Variants in ENOX2 observed in about 807,000 individuals in gnomAD.
The protein encoded by ENOX2 is APK1 antigen.
ENOX2 carries 36 observed loss-of-function variants against 45.0 expected under a neutral mutation model. The ratio of observed to expected loss-of-function variants is 0.80; its 90% CI spans 0.61 to 1.06. The LOEUF (loss-of-function observed/expected upper bound fraction) is 1.06. ENOX2 is among the 50% of genes least tolerant of loss of function. The pLI is 0.00. For missense variants in ENOX2, 423 were observed against 462.5 expected (o/e 0.91, Z 0.78); for synonymous variants, 174 against 152.3 (o/e 1.14, Z -1.05).
In ENOX2 at chrX:130,632,363, G is replaced by GT. The variant is rs1569476856; in HGVS notation, c.1420-788_1420-787insA. Among the ~76,000 whole-genome samples the GT allele has an allele frequency of 1.4e-3, 33 of 23,543 alleles. 1 individual carries two copies. The highest frequency in any genetic ancestry group is 2.8e-3 in the African/African-American group (30 of 10,906). The allele number at this position is 23,543 out of a possible 115,157, so 20.4% of individuals were successfully genotyped here. A position where few individuals can be genotyped will look rare whatever the true frequency, so the allele number is the denominator to read the frequency against. On this transcript the variant is annotated intron_variant, in intron 12 of 14. Transcript: ENST00000394363. ...CTCTTTCAGAATGTAGCAGGAAGGGGCGGGGGGGGGGGGTGGTCCTAAGAG... is the reference window on the plus strand; with the variant it reads ...CTCTTTCAGAATGTAGCAGGAAGGGGTCGGGGGGGGGGGGTGGTCCTAAGAG...
At chrX:130,843,083 A>G (rs1432428439) in intron 2 of ENOX2, among the ~76,000 whole-genome samples, 1 of 111,612 alleles carries the variant, frequency 9.0e-6, no homozygotes, top group Non-Finnish European at 1.9e-5. Flanking sequence ...ATATATGCTG[A>G]TAACTTTCAA....
intron 2 of ENOX2, among the ~76,000 whole-genome samples, chrX:130,849,238 G>C (rs1444740799): frequency 8.9e-6 from 1 of 112,510 alleles, no homozygotes; most frequent in African/African-American, 3.2e-5. Flanking sequence ...AGGGATTTAA[G>C]TGGCAGCTTA....
rs140385181 is a variant in ENOX2, at chrX:130,752,792, G to T, written c.-39+30755C>A. Among the ~76,000 whole-genome samples the T allele has an allele frequency of 3.1e-3, 346 of 110,322 alleles. 1 individual carries two copies. Among genetic ancestry groups the T allele is most frequent in the Middle Eastern group, 9.3e-3 (2 of 215 alleles). ...TCCATCTGGCCAACTCTCTCTGTCTGAGTGACTTTCACTGACTCTCTTTCT... is the reference window on the plus strand; with the variant it reads ...TCCATCTGGCCAACTCTCTCTGTCTTAGTGACTTTCACTGACTCTCTTTCT... On this transcript the variant is annotated intron_variant, in intron 3 of 14. Transcript: ENST00000394363.
intron 2 of ENOX2, among the ~76,000 whole-genome samples, chrX:130,857,841 A>C (rs2078338228): frequency 8.9e-6 from 1 of 112,037 alleles, no homozygotes; most frequent in African/African-American, 3.2e-5. Context: ...GTATTCCTTT[A>C]AACAGCAAAA....
rs141891666 is a variant in ENOX2, at chrX:130,869,423, C to T, written c.-183+32261G>A. Among the ~76,000 whole-genome samples, 983 of 111,640 alleles carry T rather than the reference C, an allele frequency of 8.8e-3. 11 individuals carry two copies. Among genetic ancestry groups the T allele is most frequent in the African/African-American group, 0.03 (931 of 30,788 alleles). On this transcript the variant is annotated intron_variant, in intron 2 of 14. Coordinates refer to ENST00000394363, the MANE Select transcript of ENOX2 (RefSeq NM_006375.4). ...ATAATCTGCACCTCCCAACTTATTACATCAACTTGGTTTTTCTCCACTTTC... is the reference window on the plus strand; with the variant it reads ...ATAATCTGCACCTCCCAACTTATTATATCAACTTGGTTTTTCTCCACTTTC...
chrX:130,784,577 T>G (rs1267599535), intron 2 of ENOX2, among the ~76,000 whole-genome samples: 1 of 108,552 alleles, frequency 9.2e-6, no homozygotes, highest in Non-Finnish European at 1.9e-5. Flanking sequence ...TGGCCTGATA[T>G]AGCTCACTCT....
At chrX:130,777,116 G>A (rs2039873876) in intron 3 of ENOX2, among the ~76,000 whole-genome samples, 1 of 111,566 alleles carries the variant, frequency 9.0e-6, no homozygotes, top group Non-Finnish European at 1.9e-5. Context: ...ATATGGGTCT[G>A]GTAATAACTA....
intron 10 of ENOX2, among the ~76,000 whole-genome samples, chrX:130,643,162 A>AAACC (rs748165418): frequency 9.0e-6 from 1 of 111,575 alleles, no homozygotes. Context: ...TAATCTAGGG[A>AAACC]AACCATTAAA....
intron 2 of ENOX2, among the ~76,000 whole-genome samples, chrX:130,813,944 G>A (rs1445125361): frequency 8.9e-6 from 1 of 112,171 alleles, no homozygotes; most frequent in Non-Finnish European, 1.9e-5. Context: ...GAGCCAAGTG[G>A]TCTAGCTCAG....
intron 3 of ENOX2, among the ~76,000 whole-genome samples, chrX:130,741,440 C>G (rs761777439): frequency 9.0e-6 from 1 of 111,722 alleles, no homozygotes; most frequent in African/African-American, 3.3e-5. Flanking sequence ...AGAAGCATTT[C>G]TTAAAGGTAT....
chrX:130,858,961 C>T (rs188613411), intron 2 of ENOX2, among the ~76,000 whole-genome samples: 32 of 112,189 alleles, frequency 2.9e-4, no homozygotes, highest in African/African-American at 1.0e-3. Flanking sequence ...TATTTACTGC[C>T]TACTATGTGT....
chrX:130,843,143 C>T (rs980725550), intron 2 of ENOX2, among the ~76,000 whole-genome samples: 4 of 111,267 alleles, frequency 3.6e-5, no homozygotes, highest in Non-Finnish European at 7.5e-5. Context: ...CCCATAAATA[C>T]GTTTACTCAA....
chrX:130,728,242 T>C (rs1368362591), intron 3 of ENOX2, among the ~76,000 whole-genome samples: 1 of 111,368 alleles, frequency 9.0e-6, no homozygotes, highest in Non-Finnish European at 1.9e-5. Context: ...CATGCAGCTC[T>C]GGTAGTATAA....
chrX:130,776,989 G>A (rs1476069769), intron 3 of ENOX2, among the ~76,000 whole-genome samples: 5 of 111,998 alleles, frequency 4.5e-5, no homozygotes, highest in Non-Finnish European at 9.4e-5. Context: ...GTGAGCTTGT[G>A]ACAAATCACG....
At chrX:130,815,871 T>C (rs926573248) in intron 2 of ENOX2, among the ~76,000 whole-genome samples, 2 of 111,702 alleles carry the variant, frequency 1.8e-5, no homozygotes, top group Admixed American at 1.9e-4. Flanking sequence ...AGCATCATCA[T>C]GACAGGATCA....
intron 2 of ENOX2, among the ~76,000 whole-genome samples, chrX:130,875,643 A>G (rs767994458): frequency 8.0e-5 from 9 of 111,908 alleles, no homozygotes; most frequent in Admixed American, 3.8e-4. Context: ...CATCATATAC[A>G]ACAATGAACT....
chrX:130,740,389 TGA>T (rs2038955571), intron 3 of ENOX2, among the ~76,000 whole-genome samples: 1 of 104,564 alleles, frequency 9.6e-6, no homozygotes, highest in Admixed American at 1.0e-4. Context: ...GGCACCTGAG[TGA>T]GACTCTGTCT....
chrX:130,791,753 A>G (rs2077046481), intron 2 of ENOX2, among the ~76,000 whole-genome samples: 2 of 111,639 alleles, frequency 1.8e-5, no homozygotes, highest in South Asian at 7.6e-4. Context: ...TCTGCATCTT[A>G]GGATTCCTGA....
rs776578949 is a variant in ENOX2 at position 130,889,883 on chromosome X, T to A, written c.-183+11801A>T. On this transcript the variant is annotated intron_variant, in intron 2 of 14. Coordinates refer to ENST00000394363, the MANE Select transcript of ENOX2 (RefSeq NM_006375.4). ...GGGATACAATTCTCCAGAGGCCTCA[T>A]CCCTGCTACCGTCCACCACAGCCTC... Among the ~76,000 whole-genome samples the A allele has an allele frequency of 6.2e-5, 7 of 112,501 alleles. No homozygotes were observed. In the East Asian group the frequency reaches 2.0e-3, roughly 32 times the overall value.
Sources: allele counts gnomAD v4.1 joint callset (sites outside exome capture counted in the v4.1 genomes callset), GRCh38; gene constraint gnomAD v4.1.1; transcripts MANE v1.5; gene names NCBI Gene and HGNC (gene_info 2026-07-23, HGNC 2026-07-21).